The following WSCD2 variants were observed in gnomAD, a reference collection of about 807,000 sequenced individuals.
WSCD2 encodes the protein WSC domain sialate O sulfotransferase 2.
In WSCD2, 28 loss-of-function variants were observed where a neutral mutation model predicts 55.7. The observed-to-expected ratio is 0.50, with a 90% CI of 0.37 to 0.69. WSCD2 has a LOEUF of 0.69. Ranked by LOEUF, WSCD2 falls within the 30% of genes least tolerant of loss-of-function variation. The pLI, the probability that WSCD2 is intolerant of heterozygous loss-of-function variation, is 0.00. For missense variants in WSCD2, 616 were observed against 762.1 expected (o/e 0.81, Z 2.26); for synonymous variants, 301 against 301.9 (o/e 1.00, Z 0.03).
intron 4 of WSCD2, 121 bp from the exon 5 acceptor site, chr12:108,224,618 G>A (rs1367423864): frequency 5.9e-6 from 8 of 1,347,074 alleles, no homozygotes; most frequent in African/African-American, 2.9e-5. Context: ...CTCTGCTTTG[G>A]CTTGCTCTGT....
intron 7 of WSCD2, among the ~76,000 whole-genome samples, chr12:108,233,416 T>C (rs1306808793): frequency 2.6e-5 from 4 of 152,248 alleles, no homozygotes; most frequent in African/African-American, 9.6e-5. Context: ...ATGTTCTGGA[T>C]GCACTTCCTA....
intron 1 of WSCD2, among the ~76,000 whole-genome samples, chr12:108,174,721 C>A (rs1242113852): frequency 2.0e-5 from 3 of 152,208 alleles, no homozygotes; most frequent in Non-Finnish European, 4.4e-5. Context: ...CTCAAAGGAT[C>A]CTTCTGCCTC....
At chr12:108,135,126 TTCCA>T (rs147219663) in intron 1 of WSCD2, among the ~76,000 whole-genome samples, 4,073 of 152,236 alleles carry the variant, frequency 0.027, 172 homozygotes, top group African/African-American at 0.092. Flanking sequence ...CCATCCATCC[TTCCA>T]TCCGTCCGTC....
Position 108,195,695 on chromosome 12 carries a change from A to G in WSCD2, c.-138A>G. On this transcript the variant is annotated 5_prime_UTR_variant, in exon 2 of 9. Coordinates refer to ENST00000547525, the MANE Select transcript of WSCD2 (RefSeq NM_014653.4). ...TTGCCCTCCCCTTCTGGCCTTGGTG[A>G]TCACTTTTTCAGGAAGAGTGAGACT... The G allele has an allele frequency of 8.0e-7, 1 of 1,245,284 alleles. No individual in the cohort carries two copies. The highest frequency in any genetic ancestry group is 1.6e-5 in the South Asian group (1 of 62,870). 77.1% of individuals were successfully genotyped at this position (1,245,284 alleles called of 1,614,324 possible).
chr12:108,233,682 C>T (rs1889007747), intron 7 of WSCD2, among the ~76,000 whole-genome samples: 1 of 152,186 alleles, frequency 6.6e-6, no homozygotes, highest in South Asian at 2.1e-4. Flanking sequence ...TTGGGGATTG[C>T]ATTCTAGTGT....
rs150207311 is a variant in WSCD2, at chr12:108,228,295, C to T, written c.979+1131C>T. On this transcript the variant is annotated intron_variant, in intron 6 of 8. Transcript: ENST00000547525. Reference sequence around the variant, plus strand: ...ACTATGTACCAGTCCTTATGCCGAGCCTCATCTCATTCAGTGATGTGAAGT... The same window carrying T: ...ACTATGTACCAGTCCTTATGCCGAGTCTCATCTCATTCAGTGATGTGAAGT... 5.0e-3 allele frequency among the ~76,000 whole-genome samples: 755 copies of T among 152,278 alleles called. 10 individuals carry two copies. Among genetic ancestry groups the T allele is most frequent in the African/African-American group, 0.017 (693 of 41,538 alleles).
intron 2 of WSCD2, among the ~76,000 whole-genome samples, chr12:108,199,331 C>G (rs77485898): frequency 6.6e-6 from 1 of 152,124 alleles, no homozygotes; most frequent in Non-Finnish European, 1.5e-5. Flanking sequence ...CATCATGGCC[C>G]GGGAGTGGGA....
chr12:108,152,444 A>G (rs1878102763), intron 1 of WSCD2, among the ~76,000 whole-genome samples: 1 of 152,056 alleles, frequency 6.6e-6, no homozygotes, highest in South Asian at 2.1e-4. Context: ...ACAATCAGAA[A>G]CCCACGATGT....
intron 1 of WSCD2, among the ~76,000 whole-genome samples, chr12:108,181,122 T>G (rs76194166): frequency 0.033 from 5,041 of 152,264 alleles, 119 homozygotes; most frequent in Middle Eastern, 0.044. Context: ...CTGTGCTATC[T>G]ATGAGAAATG....
At chr12:108,235,725 G>A (rs1335785583) in intron 7 of WSCD2, among the ~76,000 whole-genome samples, 4 of 152,086 alleles carry the variant, frequency 2.6e-5, no homozygotes, top group Admixed American at 6.5e-5. Context: ...TCCTTCATTC[G>A]TACTGAGACA....
chr12:108,150,384 G>A (rs983217446), intron 1 of WSCD2, among the ~76,000 whole-genome samples: 1 of 152,162 alleles, frequency 6.6e-6, no homozygotes. Context: ...AGAGTGTTAC[G>A]AGAACATGGA....
chr12:108,139,458 A>G (rs1365742320), intron 1 of WSCD2, among the ~76,000 whole-genome samples: 1 of 152,182 alleles, frequency 6.6e-6, no homozygotes, highest in East Asian at 1.9e-4. Context: ...GGAGGAGATT[A>G]GGGTCCAGAG....
Position 108,195,772 on chromosome 12 carries a change from T to C in WSCD2, c.-61T>C. ...AGGAAAGCTTGGGAAACCAAGCCCC[T>C]TCCATCCTCTCCCAAGCACCCCAGC... On this transcript the variant is annotated 5_prime_UTR_variant, in exon 2 of 9. Coordinates refer to ENST00000547525, the MANE Select transcript of WSCD2 (RefSeq NM_014653.4). 6.5e-7 allele frequency: 1 copy of C among 1,538,352 alleles called. No homozygotes were observed. Among genetic ancestry groups the C allele is most frequent in the South Asian group, 1.3e-5 (1 of 78,244 alleles).
chr12:108,136,760 C>A (rs118150500), intron 1 of WSCD2, among the ~76,000 whole-genome samples: 2,470 of 150,700 alleles, frequency 0.016, 36 homozygotes, highest in Middle Eastern at 0.065. Flanking sequence ...CCTCCCCGCT[C>A]TGTCTTTCCC....
At chr12:108,178,480 A>G (rs1482368098) in intron 1 of WSCD2, among the ~76,000 whole-genome samples, 2 of 152,168 alleles carry the variant, frequency 1.3e-5, no homozygotes, top group Non-Finnish European at 2.9e-5. Context: ...CTTGCTATGC[A>G]CTATACATCA....
Position 108,210,172 on chromosome 12 carries a change from C to T in WSCD2, c.549C>T (p.His183=), listed in dbSNP as rs745807799. 10 of 1,614,028 alleles carry T rather than the reference C, an allele frequency of 6.2e-6. No individual in the cohort carries two copies. The highest frequency in any genetic ancestry group is 8.5e-6 in the Non-Finnish European group (10 of 1,180,020). The part of the protein sequence containing the change: ...LEFGAECYCG[H]KIQATNVSEA... Reference sequence around the variant, plus strand: ...TCGGCGCCGAGTGCTACTGCGGCCACAAGATCCAGGCGACGAACGTGAGCG... The same window carrying T: ...TCGGCGCCGAGTGCTACTGCGGCCATAAGATCCAGGCGACGAACGTGAGCG... Residue 183 remains histidine (H), a synonymous_variant, in exon 4 of 9, where the codon CAC becomes CAT. Coordinates refer to ENST00000547525, the MANE Select transcript of WSCD2 (RefSeq NM_014653.4). This position sits in a 1 kb window ranked among gnomAD's most constrained non-coding sequence, Gnocchi z 4.3.
chr12:108,153,569 T>C lies in WSCD2; in HGVS notation c.-552+23643T>C, dbSNP rs7131832. On this transcript the variant is annotated intron_variant, in intron 1 of 8. Coordinates refer to ENST00000547525, the MANE Select transcript of WSCD2 (RefSeq NM_014653.4). The stretch of plus-strand genomic sequence containing the variant: ...AAGGGATGGTGCAGCACCCCAGAGT[T>C]AGCAGTAGTGGGGAGCTATATTCAC... 7.0e-3 allele frequency among the ~76,000 whole-genome samples: 1,061 copies of C among 152,280 alleles called. 12 individuals carry two copies. The highest frequency in any genetic ancestry group is 0.023 in the African/African-American group (954 of 41,564).
intron 8 of WSCD2, among the ~76,000 whole-genome samples, chr12:108,242,742 C>T (rs1397650095): frequency 6.6e-6 from 1 of 152,230 alleles, no homozygotes; most frequent in Admixed American, 6.5e-5. Context: ...GCCCAGCATG[C>T]ATTAGCTATT....
chr12:108,143,933 C>A lies in WSCD2; in HGVS notation c.-552+14007C>A, dbSNP rs74564170. ...ACAGGTGGGTCCCATAGGCATGAGA[C>A]AGGCAGGAGGACTATGGTGAGCCAG... On this transcript the variant is annotated intron_variant, in intron 1 of 8. Coordinates refer to ENST00000547525, the MANE Select transcript of WSCD2 (RefSeq NM_014653.4). Among the ~76,000 whole-genome samples the A allele has an allele frequency of 3.3e-3, 510 of 152,324 alleles. 4 individuals carry two copies. Among genetic ancestry groups the A allele is most frequent in the African/African-American group, 0.012 (482 of 41,572 alleles).
Sources: gnomAD v4.1 joint callset for allele counts (sites outside exome capture counted in the v4.1 genomes callset) on GRCh38, gnomAD v4.1.1 for gene constraint, Gnocchi (gnomAD v3.1) non-coding constraint, MANE v1.5 for transcripts, NCBI Gene and HGNC (gene_info 2026-07-23, HGNC 2026-07-21) for gene names.